The following SV2C variants were observed in gnomAD, a reference collection of about 807,000 sequenced individuals.
The protein encoded by SV2C is solute carrier family 22 member B3.
Under a neutral mutation model 79.7 loss-of-function variants are expected in SV2C, and 49 were observed. That is an observed-to-expected ratio of 0.61 (90% CI 0.49 to 0.78). The LOEUF (loss-of-function observed/expected upper bound fraction) is 0.78, where lower values mean the gene tolerates loss of function less well. Among genes scored for constraint, SV2C ranks in the 30% least tolerant of loss-of-function variants. SV2C has a pLI of 0.00. For missense variants in SV2C, 833 were observed against 912.9 expected (o/e 0.91, Z 1.13); for synonymous variants, 334 against 333.2 (o/e 1.00, Z -0.03).
At chr5:76,247,678 T>C (rs1273799796) in intron 4 of SV2C, among the ~76,000 whole-genome samples, 4 of 152,144 alleles carry the variant, frequency 2.6e-5, no homozygotes, top group African/African-American at 9.7e-5. Flanking sequence ...ATTCTAACAA[T>C]CTATTGGGAA....
At chr5:75,987,279 G>A in the SV2C span, among the ~76,000 whole-genome samples, 1 of 151,972 alleles carries the variant, frequency 6.6e-6, no homozygotes, top group African/African-American at 2.4e-5. Context: ...ACTTCCAGCT[G>A]GGGGTAGCTG....
intron 1 of SV2C, among the ~76,000 whole-genome samples, chr5:76,119,777 G>C (rs1748419458): frequency 6.6e-6 from 1 of 152,130 alleles, no homozygotes. Flanking sequence ...ACAATGTAGG[G>C]TCCAAGCAGG....
chr5:76,060,537 C>T, the SV2C span, among the ~76,000 whole-genome samples: 1 of 152,118 alleles, frequency 6.6e-6, no homozygotes, highest in East Asian at 1.9e-4. Flanking sequence ...AAACTTTTCT[C>T]CTGCAGCTTC....
At chr5:75,948,237 G>C in the SV2C span, among the ~76,000 whole-genome samples, 4 of 152,074 alleles carry the variant, frequency 2.6e-5, no homozygotes, top group South Asian at 6.2e-4. Context: ...AATGTATTCA[G>C]TGAGATGTTA....
the SV2C span, among the ~76,000 whole-genome samples, chr5:76,056,925 T>C: frequency 2.0e-5 from 3 of 152,028 alleles, no homozygotes; most frequent in African/African-American, 7.2e-5. Context: ...AGTCTATTTA[T>C]TTTGTTAATT....
In SV2C at chr5:76,162,794, T is replaced by C. The variant is rs147327187; in HGVS notation, c.580+30464T>C. Among the ~76,000 whole-genome samples, 1,206 of 152,306 alleles carry C rather than the reference T, an allele frequency of 7.9e-3. 17 individuals carry two copies. Among genetic ancestry groups the C allele is most frequent in the African/African-American group, 0.028 (1,154 of 41,570 alleles). ...TGATCCTGTCTTTTTACTACAGATA[T>C]GCTCCTCCACCTCTTTTACCAGTCG... is the stretch of plus-strand genomic sequence containing the variant. On this transcript the variant is annotated intron_variant, in intron 2 of 12. Coordinates refer to ENST00000502798, the MANE Select transcript of SV2C (RefSeq NM_014979.4).
At chr5:75,952,216 T>C in the SV2C span, among the ~76,000 whole-genome samples, 2 of 151,772 alleles carry the variant, frequency 1.3e-5, no homozygotes, top group South Asian at 2.1e-4. Context: ...ACTTAACTTA[T>C]TCTGATTTCC....
At chr5:76,229,955 A>G (rs1745363284) in intron 4 of SV2C, among the ~76,000 whole-genome samples, 1 of 152,220 alleles carries the variant, frequency 6.6e-6, no homozygotes, top group South Asian at 2.1e-4. Flanking sequence ...TCTCTGGTAT[A>G]TGCCCGGAGA....
the SV2C span, chr5:75,910,279 T>G: frequency 2.0e-6 from 1 of 491,660 alleles, no homozygotes; most frequent in East Asian, 5.3e-5. Flanking sequence ...AAATAAAAAA[T>G]TAGTTTTCCA....
intron 2 of SV2C, among the ~76,000 whole-genome samples, chr5:76,141,912 T>C (rs1749267149): frequency 1.3e-5 from 2 of 151,900 alleles, no homozygotes; most frequent in Non-Finnish European, 2.9e-5. Flanking sequence ...ATCTAACAAT[T>C]GGATCAAGCC....
intron 2 of SV2C, among the ~76,000 whole-genome samples, chr5:76,172,624 A>T (rs1222042763): frequency 1.4e-3 from 93 of 65,908 alleles, no homozygotes; most frequent in African/African-American, 7.5e-3. Flanking sequence ...GGTGGGGAAA[A>T]GATTGAGAAA....
At chr5:75,957,670 T>G in the SV2C span, among the ~76,000 whole-genome samples, 2 of 152,036 alleles carry the variant, frequency 1.3e-5, no homozygotes, top group African/African-American at 2.4e-5. Context: ...TAATTAAATC[T>G]AAGAAGTTGC....
chr5:76,291,909 A>G lies in SV2C; in HGVS notation c.1337+53A>G, dbSNP rs1747580005. 10 of 1,311,464 alleles carry G rather than the reference A, an allele frequency of 7.6e-6. 1 individual carries two copies. In the Middle Eastern group the frequency reaches 9.4e-4, roughly 124 times the overall value. 81.2% of individuals were successfully genotyped at this position (1,311,464 alleles called of 1,614,324 possible). A position where few individuals can be genotyped will look rare whatever the true frequency, so the allele number is the denominator to read the frequency against. The stretch of plus-strand genomic sequence containing the variant: ...CAAAATCGTTCAATGTCCACATTGT[A>G]ACTCCTAGCCATGCTGCTTTCTTTT... On this transcript the variant is annotated intron_variant, in intron 8 of 12. Transcript: ENST00000502798.
At chr5:76,253,929 C>T (rs944594368) in intron 4 of SV2C, among the ~76,000 whole-genome samples, 1 of 152,070 alleles carries the variant, frequency 6.6e-6, no homozygotes, top group African/African-American at 2.4e-5. Flanking sequence ...GCAGACTATT[C>T]TCACTGAGTT....
intron 2 of SV2C, among the ~76,000 whole-genome samples, chr5:76,155,763 G>A (rs1217069246): frequency 6.6e-6 from 1 of 151,926 alleles, no homozygotes; most frequent in East Asian, 1.9e-4. Context: ...AGCTATAAGA[G>A]TAGGGGTGTC....
chr5:76,119,092 A>G (rs1748387853), intron 1 of SV2C, among the ~76,000 whole-genome samples: 1 of 152,228 alleles, frequency 6.6e-6, no homozygotes, highest in African/African-American at 2.4e-5. Flanking sequence ...AATAACACTA[A>G]GGTGATATAA....
At chr5:76,103,136 A>C (rs181290533) in intron 1 of SV2C, among the ~76,000 whole-genome samples, 1 of 152,240 alleles carries the variant, frequency 6.6e-6, no homozygotes, top group Non-Finnish European at 1.5e-5. Context: ...CTGCTGAAAT[A>C]TTTAGTATTT....
In SV2C at chr5:76,174,280, C is replaced by G. The variant is rs895710922; in HGVS notation, c.581-20639C>G. On this transcript the variant is annotated intron_variant, in intron 2 of 12. Coordinates refer to ENST00000502798, the MANE Select transcript of SV2C (RefSeq NM_014979.4). ...GCCCCGTGCTCCCCGCGGGTCGCTA[C>G]TCTAGGCGCCACGGCGGTCCTGCCG... The G allele has an allele frequency of 4.1e-6, 5 of 1,234,492 alleles. No individual in the cohort carries two copies. In the African/African-American group the frequency reaches 7.5e-5, roughly 18 times the overall value. 76.5% of individuals were successfully genotyped at this position (1,234,492 alleles called of 1,614,324 possible).
chr5:76,121,003 A>C (rs928802850), intron 1 of SV2C, among the ~76,000 whole-genome samples: 7 of 150,788 alleles, frequency 4.6e-5, no homozygotes, highest in Non-Finnish European at 1.0e-4. Context: ...AAGTGTTCCT[A>C]TTTCTCCACA....
Sources: gnomAD v4.1 joint callset for allele counts (sites outside exome capture counted in the v4.1 genomes callset) on GRCh38, gnomAD v4.1.1 for gene constraint, MANE v1.5 for transcripts, NCBI Gene and HGNC (gene_info 2026-07-23, HGNC 2026-07-21) for gene names.